The following SH3PXD2B variants were observed in gnomAD, a reference collection of about 807,000 sequenced individuals.
The protein encoded by SH3PXD2B is SH3 and PX domain-containing protein 2B.
Under a neutral mutation model 73.1 loss-of-function variants are expected in SH3PXD2B, and 37 were observed. The ratio of observed to expected loss-of-function variants is 0.51; its 90% CI spans 0.39 to 0.67. The LOEUF (loss-of-function observed/expected upper bound fraction) is 0.67, where lower values mean the gene tolerates loss of function less well. Among genes scored for constraint, SH3PXD2B ranks in the 30% least tolerant of loss-of-function variants. The probability of loss-of-function intolerance (pLI) is 0.00; values close to 1 mark genes in which losing one functional copy is unlikely to be tolerated. For synonymous variants in SH3PXD2B, 457 were observed against 480.5 expected (o/e 0.95, Z 0.64); for missense variants, 1,053 against 1,197.8 (o/e 0.88, Z 1.78).
chr5:172,434,693 T>C (rs928013380), intron 1 of SH3PXD2B, among the ~76,000 whole-genome samples: 12 of 152,146 alleles, frequency 7.9e-5, no homozygotes, highest in Non-Finnish European at 1.5e-5. Flanking sequence ...CTGAAATTCC[T>C]GGCTGGCATT....
chr5:172,412,440 C>T (rs947035967), intron 2 of SH3PXD2B, among the ~76,000 whole-genome samples: 1 of 152,234 alleles, frequency 6.6e-6, no homozygotes, highest in Admixed American at 6.5e-5. Flanking sequence ...GCTGCCATCC[C>T]GGACAGTGCA....
intron 1 of SH3PXD2B, among the ~76,000 whole-genome samples, chr5:172,435,619 T>C (rs1211745013): frequency 6.6e-6 from 1 of 152,158 alleles, no homozygotes; most frequent in East Asian, 1.9e-4. Context: ...AGATGGGATC[T>C]CAGTATGCTG....
downstream of SH3PXD2B, among the ~76,000 whole-genome samples, chr5:172,328,692 A>C (rs1756491240): frequency 1.3e-5 from 2 of 152,068 alleles, no homozygotes; most frequent in African/African-American, 4.8e-5. Context: ...TCCAAGAATT[A>C]AGACACGCTC....
In SH3PXD2B at chr5:172,349,178, G is replaced by A. The variant is rs377355989; in HGVS notation, c.1012+1185C>T. Among the ~76,000 whole-genome samples the A allele has an allele frequency of 2.8e-3, 419 of 152,360 alleles. 3 individuals carry two copies. The highest frequency in any genetic ancestry group is 9.7e-3 in the African/African-American group (404 of 41,572). Reference sequence around the variant, plus strand: ...CAGCATGTGAGAAAACATGATCAGTGACTTCTCAGGGCAGCTGAGCAAAGT... The same window carrying A: ...CAGCATGTGAGAAAACATGATCAGTAACTTCTCAGGGCAGCTGAGCAAAGT... On this transcript the variant is annotated intron_variant, in intron 10 of 12. Transcript: ENST00000311601.
chr5:172,397,336 G>A (rs997878317), intron 3 of SH3PXD2B, among the ~76,000 whole-genome samples: 7 of 152,148 alleles, frequency 4.6e-5, no homozygotes, highest in Admixed American at 6.5e-5. Context: ...ATGCATGCCC[G>A]AAACTTCATT....
At chr5:172,431,903 A>T (rs1268048031) in intron 1 of SH3PXD2B, among the ~76,000 whole-genome samples, 1 of 152,106 alleles carries the variant, frequency 6.6e-6, no homozygotes, top group Non-Finnish European at 1.5e-5. Flanking sequence ...GTGGCTCGTA[A>T]TCCTAGATCA....
intron 12 of SH3PXD2B, among the ~76,000 whole-genome samples, chr5:172,345,131 A>AAAACAAAGGAAGGAGGAAGG (rs1222122225): frequency 2.0e-5 from 3 of 150,190 alleles, no homozygotes; most frequent in African/African-American, 7.3e-5. Context: ...GGAGGGAAGG[A>AAAACAAAGGAAGGAGGAAGG]AGGAATGAAG....
chr5:172,447,732 G>C (rs1759705943), intron 1 of SH3PXD2B, among the ~76,000 whole-genome samples: 1 of 152,218 alleles, frequency 6.6e-6, no homozygotes, highest in Non-Finnish European at 1.5e-5. Flanking sequence ...CTGAACTAAA[G>C]TGACATTTAA....
chr5:172,453,053 A>G (rs1038235581), intron 1 of SH3PXD2B, among the ~76,000 whole-genome samples: 2 of 151,952 alleles, frequency 1.3e-5, no homozygotes, highest in African/African-American at 4.8e-5. Context: ...GTTCCCGGCT[A>G]TCTCCTTTCA....
At chr5:172,325,405 C>G (rs1756429381) in intron 12 of SH3PXD2B, 1 of 1,497,206 alleles carries the variant, frequency 6.7e-7, no homozygotes, top group Non-Finnish European at 9.0e-7. Flanking sequence ...GGAGAAAAAT[C>G]AGCAAATCTT....
At chr5:172,357,350 G>A (rs1284331591) in intron 8 of SH3PXD2B, among the ~76,000 whole-genome samples, 1 of 151,882 alleles carries the variant, frequency 6.6e-6, no homozygotes, top group African/African-American at 2.4e-5. Context: ...CTTGAACCCA[G>A]GAGGCGGAGG....
Position 172,454,474 on chromosome 5 carries a change from G to T in SH3PXD2B, c.-122C>A. 5.1e-6 allele frequency: 2 copies of T among 391,786 alleles called. No homozygotes were observed. The highest frequency in any genetic ancestry group is 7.2e-6 in the Non-Finnish European group (2 of 277,954). 24.3% of individuals were successfully genotyped at this position (391,786 alleles called of 1,614,324 possible). On this transcript the variant is annotated 5_prime_UTR_variant, in exon 1 of 13. Coordinates refer to ENST00000311601, the MANE Select transcript of SH3PXD2B (RefSeq NM_001017995.3). ...GCTGAGCGCAATCGCAGCCGGGGCC[G>T]AGCACGAGCCGCCGCCGCCACCGCC...
chr5:172,334,284 G>GCCT lies in SH3PXD2B; in HGVS notation c.*4082_*4084dup, dbSNP rs1756635403. On this transcript the variant is annotated 3_prime_UTR_variant, in exon 13 of 13. Transcript: ENST00000311601. ...TCCATGAGCAGGCAAGGACTGTGGA[G>GCCT]CCTCCGGTTCCAGCTCTGCAGCTCT... 1.0e-6 allele frequency: 1 copy of GCCT among 1,004,292 alleles called. No homozygotes were observed. Among genetic ancestry groups the GCCT allele is most frequent in the African/African-American group, 1.7e-5 (1 of 57,336 alleles). The allele number at this position is 1,004,292 out of a possible 1,614,324, so 62.2% of individuals were successfully genotyped here.
At chr5:172,408,018 C>T (rs1268149488) in intron 2 of SH3PXD2B, among the ~76,000 whole-genome samples, 1 of 151,976 alleles carries the variant, frequency 6.6e-6, no homozygotes, top group Non-Finnish European at 1.5e-5. Context: ...CAGGCTGGAG[C>T]TCCCGGCCTC....
Position 172,421,695 on chromosome 5 carries a change from G to T in SH3PXD2B, c.156+721C>A, listed in dbSNP as rs1392459559. On this transcript the variant is annotated intron_variant, in intron 2 of 12. Coordinates refer to ENST00000311601, the MANE Select transcript of SH3PXD2B (RefSeq NM_001017995.3). The surrounding 1 kb of genome is among the most constrained non-coding windows in gnomAD (Gnocchi z 4.0). ...GAGTGAGCCGGGAAGGCACAGGAGT[G>T]TGTGGGGAGGGCAAAGGCCTGTGGA... 2.0e-5 allele frequency among the ~76,000 whole-genome samples: 3 copies of T among 152,222 alleles called. No homozygotes were observed. The highest frequency in any genetic ancestry group is 7.2e-5 in the African/African-American group (3 of 41,456).
chr5:172,394,773 C>T lies in SH3PXD2B; in HGVS notation c.233-134G>A, dbSNP rs1041647531. The T allele has an allele frequency of 2.4e-5, 20 of 845,250 alleles. No homozygotes were observed. The African/African-American group carries it at 3.2e-4, about 13-fold the overall frequency. The allele number at this position is 845,250 out of a possible 1,614,324, so 52.4% of individuals were successfully genotyped here. Reference sequence around the variant, plus strand: ...AAAATTCCTGGCTGCGATCAAGGTACCCCCACTGGACTTCCGTGAGGCTTG... The same window carrying T: ...AAAATTCCTGGCTGCGATCAAGGTATCCCCACTGGACTTCCGTGAGGCTTG... On this transcript the variant is annotated intron_variant, in intron 3 of 12. Transcript: ENST00000311601.
intron 7 of SH3PXD2B, among the ~76,000 whole-genome samples, chr5:172,362,469 T>C (rs1036515143): frequency 6.6e-6 from 1 of 152,202 alleles, no homozygotes; most frequent in African/African-American, 2.4e-5. Flanking sequence ...CTGCCAGTGC[T>C]TTAGAACCAG....
intron 2 of SH3PXD2B, among the ~76,000 whole-genome samples, chr5:172,408,805 T>C (rs1264674456): frequency 1.3e-5 from 2 of 151,874 alleles, no homozygotes; most frequent in Non-Finnish European, 2.9e-5. Context: ...ATTACAGACA[T>C]GAGCCACCAC....
chr5:172,394,719 C>T (rs983882315), intron 3 of SH3PXD2B, 80 bp from the exon 4 acceptor site: 15 of 1,488,270 alleles, frequency 1.0e-5, no homozygotes, highest in East Asian at 6.9e-5. Context: ...GTGGACATGG[C>T]GGTTCCTAGG....
Sources: allele counts gnomAD v4.1 joint callset (sites outside exome capture counted in the v4.1 genomes callset), GRCh38; gene constraint gnomAD v4.1.1; non-coding constraint Gnocchi (gnomAD v3.1); transcripts MANE v1.5; gene names NCBI Gene and HGNC (gene_info 2026-07-23, HGNC 2026-07-21).